ZBBX: variants seen among roughly 807,000 people sequenced by gnomAD.
The protein encoded by ZBBX is zinc finger B-box domain containing.
In ZBBX, 101 loss-of-function variants were observed where a neutral mutation model predicts 108.5. That is an observed-to-expected ratio of 0.93 (90% CI 0.79 to 1.10). The LOEUF (loss-of-function observed/expected upper bound fraction) is 1.10, where lower values mean the gene tolerates loss of function less well. Among genes scored for constraint, ZBBX ranks in the 50% least tolerant of loss-of-function variants. The pLI, the probability that ZBBX is intolerant of heterozygous loss-of-function variation, is 0.00. For missense variants in ZBBX, 1,009 were observed against 941.4 expected, an observed-to-expected ratio of 1.07 and a Z score of -0.94; for synonymous variants, 356 against 323.4, an observed-to-expected ratio of 1.10 and a Z score of -1.08.
chr3:167,330,856 GAGGAGGAGGAGGAGGAGA>G (rs1738347973), intron 10 of ZBBX, among the ~76,000 whole-genome samples: 1 of 14,448 alleles, frequency 6.9e-5, no homozygotes, highest in African/African-American at 2.5e-4. Flanking sequence ...GGAGGAGGAG[GAGGAGGAGGAGGAGGAGA>G]AGAAGAAGAA....
rs536023100 is a variant in ZBBX at position 167,269,125 on chromosome 3, G to A, written c.2254+13113C>T. Among the ~76,000 whole-genome samples, 4 of 152,270 alleles carry A rather than the reference G, an allele frequency of 2.6e-5. No homozygotes were observed. The East Asian group carries it at 7.7e-4, about 29-fold the overall frequency. On this transcript the variant is annotated intron_variant, in intron 20 of 21. Coordinates refer to ENST00000675490, the MANE Select transcript of ZBBX (RefSeq NM_001199201.2). The stretch of plus-strand genomic sequence containing the variant: ...TCTGAGGAGGAGTAGGGGGCTCAGG[G>A]GCTCTGTCTCTTTTACTTCAAGTCC...
chr3:167,270,885 G>A (rs1193329799), intron 20 of ZBBX, among the ~76,000 whole-genome samples: 1 of 152,126 alleles, frequency 6.6e-6, no homozygotes, highest in Non-Finnish European at 1.5e-5. Context: ...TCTAAACAGG[G>A]AGCACCTATG....
At chr3:167,334,644 C>T (rs1368019399) in intron 9 of ZBBX, among the ~76,000 whole-genome samples, 8 of 152,064 alleles carry the variant, frequency 5.3e-5, no homozygotes, top group Non-Finnish European at 1.2e-4. Flanking sequence ...GGTCACAGTG[C>T]TGAGTGGGTG....
rs754410921 is a variant in ZBBX, at chr3:167,368,433, T to G, written c.182+28A>C. The G allele has an allele frequency of 2.7e-6, 4 of 1,471,872 alleles. No individual in the cohort carries two copies. The South Asian group carries it at 4.5e-5, about 17-fold the overall frequency. 91.2% of individuals were successfully genotyped at this position (1,471,872 alleles called of 1,614,324 possible). A position where few individuals can be genotyped will look rare whatever the true frequency, so the allele number is the denominator to read the frequency against. Reference sequence around the variant, plus strand: ...TTCTTTATATAATTTAGTTGATTCATCTAAAATTCTCTAAGAGTTTCACTC... The same window carrying G: ...TTCTTTATATAATTTAGTTGATTCAGCTAAAATTCTCTAAGAGTTTCACTC... On this transcript the variant is annotated intron_variant, in intron 5 of 21. Coordinates refer to ENST00000675490, the MANE Select transcript of ZBBX (RefSeq NM_001199201.2).
intron 6 of ZBBX, among the ~76,000 whole-genome samples, chr3:167,363,854 A>G (rs1219822872): frequency 6.6e-6 from 1 of 152,098 alleles, no homozygotes; most frequent in African/African-American, 2.4e-5. Flanking sequence ...CATCAAATTT[A>G]GGTCTTTTAA....
At chr3:167,258,722 T>G (rs1240261962) in intron 20 of ZBBX, among the ~76,000 whole-genome samples, 1 of 152,206 alleles carries the variant, frequency 6.6e-6, no homozygotes, top group Non-Finnish European at 1.5e-5. Context: ...CTGCATCTAT[T>G]GAAATGATCA....
chr3:167,222,704 A>C, the ZBBX span, among the ~76,000 whole-genome samples: 119,521 of 151,518 alleles, frequency 0.79, 47,314 homozygotes, highest in East Asian at 0.9. Context: ...CTACTACATA[A>C]CCTCAGAAAT....
chr3:167,341,924 C>T (rs905740860), intron 9 of ZBBX, among the ~76,000 whole-genome samples: 45 of 151,618 alleles, frequency 3.0e-4, no homozygotes, highest in African/African-American at 8.9e-4. Context: ...TTAGATAATT[C>T]GTATCCCATA....
chr3:167,356,330 T>C (rs1397274597), intron 8 of ZBBX, among the ~76,000 whole-genome samples: 1 of 152,082 alleles, frequency 6.6e-6, no homozygotes, highest in African/African-American at 2.4e-5. Flanking sequence ...AAGAGTATTC[T>C]ACTACCAAGA....
At chr3:167,357,073 T>C (rs1743702529) in intron 8 of ZBBX, among the ~76,000 whole-genome samples, 1 of 151,772 alleles carries the variant, frequency 6.6e-6, no homozygotes, top group Non-Finnish European at 1.5e-5. Flanking sequence ...AGGGGAGAGG[T>C]ATAAGGTGGA....
chr3:167,291,001 T>G (rs1165102151), intron 18 of ZBBX, among the ~76,000 whole-genome samples: 1 of 151,116 alleles, frequency 6.6e-6, no homozygotes, highest in African/African-American at 2.4e-5. Context: ...AAAGACAAGG[T>G]TAGAGAAAAA....
intron 2 of ZBBX, among the ~76,000 whole-genome samples, chr3:167,375,203 T>C (rs1239119689): frequency 1.3e-5 from 2 of 152,242 alleles, no homozygotes. Context: ...AAGTGGTTCT[T>C]CATCGTTGTT....
intron 9 of ZBBX, 37 bp from the exon 10 acceptor site, chr3:167,334,022 T>C (rs950972176): frequency 1.5e-6 from 2 of 1,355,112 alleles, no homozygotes; most frequent in Non-Finnish European, 2.0e-6. Context: ...AAGCGCCTCA[T>C]ATGTTAACCT....
intron 1 of ZBBX, among the ~76,000 whole-genome samples, chr3:167,399,810 G>A (rs1048155179): frequency 2.6e-5 from 4 of 152,088 alleles, no homozygotes; most frequent in African/African-American, 9.7e-5. Context: ...CTATCACCCA[G>A]GTAGTGAACA....
chr3:167,374,481 T>C (rs1746637478), intron 2 of ZBBX, among the ~76,000 whole-genome samples: 1 of 152,184 alleles, frequency 6.6e-6, no homozygotes. Context: ...TAAGAGCTTT[T>C]AAAGAAATAT....
chr3:167,211,699 G>T, the ZBBX span, among the ~76,000 whole-genome samples: 2 of 152,070 alleles, frequency 1.3e-5, no homozygotes, highest in Non-Finnish European at 2.9e-5. Flanking sequence ...CAGCACAGTT[G>T]TCTACAAAAA....
chr3:167,255,050 T>A (rs575454099), intron 20 of ZBBX, among the ~76,000 whole-genome samples: 1 of 152,152 alleles, frequency 6.6e-6, no homozygotes, highest in African/African-American at 2.4e-5. Context: ...CTCGGCCAAT[T>A]TGCCATCTAA....
the ZBBX span, among the ~76,000 whole-genome samples, chr3:167,234,824 C>G: frequency 1.9e-4 from 29 of 151,762 alleles, no homozygotes; most frequent in Non-Finnish European, 3.2e-4. Context: ...TTCAAATTCC[C>G]TTGCATCTAG....
intron 1 of ZBBX, among the ~76,000 whole-genome samples, chr3:167,397,484 T>C (rs1313504075): frequency 1.3e-5 from 2 of 152,038 alleles, no homozygotes; most frequent in African/African-American, 2.4e-5. Context: ...TCCCTTACTT[T>C]ATCTTCTTCG....
Sources: gnomAD v4.1 joint callset for allele counts (sites outside exome capture counted in the v4.1 genomes callset) on GRCh38, gnomAD v4.1.1 for gene constraint, MANE v1.5 for transcripts, NCBI Gene and HGNC (gene_info 2026-07-23, HGNC 2026-07-21) for gene names.